Variants in DPH6 observed in about 807,000 individuals in gnomAD.
The protein encoded by DPH6 is diphthine--ammonia ligase.
Under a neutral mutation model 38.2 loss-of-function variants are expected in DPH6, and 33 were observed. The ratio of observed to expected loss-of-function variants is 0.86; its 90% CI spans 0.65 to 1.15. The LOEUF is 1.15. Among genes scored for constraint, DPH6 ranks in the 50% most tolerant of loss-of-function variants. The probability of loss-of-function intolerance (pLI) is 0.00; values close to 1 mark genes in which losing one functional copy is unlikely to be tolerated. For missense variants in DPH6, 325 were observed against 320.0 expected (o/e 1.02, Z -0.12); for synonymous variants, 108 against 103.0 (o/e 1.05, Z -0.30).
At chr15:35,382,293 G>A (rs2052880140) in intron 6 of DPH6, among the ~76,000 whole-genome samples, 1 of 151,804 alleles carries the variant, frequency 6.6e-6, no homozygotes, top group African/African-American at 2.4e-5. Context: ...AAAATTAGCC[G>A]GGCATGGTGG....
chr15:35,475,851 A>C (rs916745030), intron 3 of DPH6, among the ~76,000 whole-genome samples: 6 of 151,860 alleles, frequency 4.0e-5, no homozygotes, highest in African/African-American at 1.4e-4. Flanking sequence ...AACTGAGAAG[A>C]ATATTAAAAA....
intron 5 of DPH6, among the ~76,000 whole-genome samples, chr15:35,417,528 A>C (rs1021817840): frequency 6.6e-6 from 1 of 152,012 alleles, no homozygotes; most frequent in Admixed American, 6.6e-5. Flanking sequence ...AAAAAAAGTC[A>C]ATGTCTGAGT....
At chr15:35,151,801 C>T in the DPH6 span, among the ~76,000 whole-genome samples, 6 of 152,292 alleles carry the variant, frequency 3.9e-5, no homozygotes, top group East Asian at 1.9e-4. Context: ...AATAAAAATG[C>T]GTGAAGTCTA....
intron 5 of DPH6, among the ~76,000 whole-genome samples, chr15:35,421,800 A>G (rs552642082): frequency 9.2e-5 from 14 of 152,262 alleles, no homozygotes; most frequent in African/African-American, 3.4e-4. Context: ...GAGAAATTCA[A>G]ACAAAACAAT....
the DPH6 span, among the ~76,000 whole-genome samples, chr15:35,163,772 G>A: frequency 6.6e-6 from 1 of 151,832 alleles, no homozygotes; most frequent in Non-Finnish European, 1.5e-5. Flanking sequence ...CAAATGCTCA[G>A]AGCAACAAAT....
chr15:35,369,827 C>T (rs2052694873), downstream of DPH6, among the ~76,000 whole-genome samples: 1 of 151,674 alleles, frequency 6.6e-6, no homozygotes, highest in Non-Finnish European at 1.5e-5. Flanking sequence ...TCTTCAATCC[C>T]AGTCAAAATC....
chr15:35,250,077 C>G (rs1204783808), intron 3 of DPH6, among the ~76,000 whole-genome samples: 1 of 151,894 alleles, frequency 6.6e-6, no homozygotes, highest in Non-Finnish European at 1.5e-5. Flanking sequence ...ACTCAGGAGG[C>G]TGAGGCAGGA....
At chr15:35,486,898 G>A (rs1303755964) in intron 3 of DPH6, among the ~76,000 whole-genome samples, 1 of 152,126 alleles carries the variant, frequency 6.6e-6, no homozygotes, top group African/African-American at 2.4e-5. Context: ...TACAACGGGG[G>A]TACAGGCATT....
rs191124603 is a variant in DPH6 at position 35,268,026 on chromosome 15, C to T, written n.201-47444G>A. 4.3e-4 allele frequency among the ~76,000 whole-genome samples: 65 copies of T among 151,910 alleles called. 1 individual carries two copies. Among genetic ancestry groups the T allele is most frequent in the Middle Eastern group, 3.4e-3 (1 of 294 alleles). On this transcript the variant is annotated intron_variant and non_coding_transcript_variant, in intron 3 of 3. Transcript: ENST00000560386. Reference sequence around the variant, plus strand: ...TCTACTAAAAATACAAAATATTAGCCGGGCGTGGTGGCAGGCGCCTGTAGT... The same window carrying T: ...TCTACTAAAAATACAAAATATTAGCTGGGCGTGGTGGCAGGCGCCTGTAGT...
At position 35,251,619 on chromosome 15, in the gene DPH6, A is replaced by G. The variant is rs374196708; in HGVS notation, n.201-31037T>C. Among the ~76,000 whole-genome samples, 10 of 152,210 alleles carry G rather than the reference A, an allele frequency of 6.6e-5. No individual in the cohort carries two copies. The East Asian group carries it at 1.9e-3, about 29-fold the overall frequency. On this transcript the variant is annotated intron_variant and non_coding_transcript_variant, in intron 3 of 3. Transcript: ENST00000560386. ...CATCCAAGATCCTACACTTAGCTTC[A>G]TATCACAGATACGCTAGTCTCTCAC...
At chr15:35,255,408 C>G (rs1379359827) in intron 3 of DPH6, among the ~76,000 whole-genome samples, 1 of 152,084 alleles carries the variant, frequency 6.6e-6, no homozygotes, top group African/African-American at 2.4e-5. Context: ...CTATTTCTAA[C>G]CAAAGTCTCA....
chr15:35,270,768 T>A (rs2051817627), intron 3 of DPH6, among the ~76,000 whole-genome samples: 2 of 152,204 alleles, frequency 1.3e-5, no homozygotes, highest in South Asian at 4.1e-4. Flanking sequence ...TTTATTACGG[T>A]TACATTCTCC....
intron 3 of DPH6, among the ~76,000 whole-genome samples, chr15:35,359,819 T>C (rs1254250927): frequency 4.6e-5 from 7 of 152,162 alleles, no homozygotes; most frequent in Non-Finnish European, 8.8e-5. Flanking sequence ...AGTTCAGTCA[T>C]TGTATTCTTC....
At chr15:35,337,562 C>T (rs2052383512) in intron 3 of DPH6, among the ~76,000 whole-genome samples, 1 of 152,176 alleles carries the variant, frequency 6.6e-6, no homozygotes, top group African/African-American at 2.4e-5. Flanking sequence ...ATATTCCATG[C>T]TCATGGGTAG....
the DPH6 span, among the ~76,000 whole-genome samples, chr15:35,190,141 T>TA: frequency 1.3e-5 from 2 of 152,152 alleles, no homozygotes; most frequent in Admixed American, 6.5e-5. Context: ...TCAGGGGGGA[T>TA]ATGGAAGGCA....
intron 3 of DPH6, among the ~76,000 whole-genome samples, chr15:35,290,803 T>C (rs1404446438): frequency 2.0e-5 from 3 of 152,122 alleles, no homozygotes; most frequent in Non-Finnish European, 2.9e-5. Context: ...TTGGTTTGTG[T>C]GATACTTTTT....
chr15:35,489,456 A>G (rs2054447384), intron 3 of DPH6: 5 of 983,876 alleles, frequency 5.1e-6, no homozygotes, highest in South Asian at 4.7e-5. Context: ...CTCAATTAAT[A>G]TATTACTCAA....
intron 3 of DPH6, among the ~76,000 whole-genome samples, chr15:35,537,215 T>C (rs1376485901): frequency 6.6e-6 from 1 of 152,084 alleles, no homozygotes; most frequent in Admixed American, 6.6e-5. Context: ...CTAGAAAATT[T>C]TCATGACAGA....
In DPH6 at chr15:35,235,162, T is replaced by C. The variant is rs72707090; in HGVS notation, n.201-14580A>G. On this transcript the variant is annotated intron_variant and non_coding_transcript_variant, in intron 3 of 3. Transcript: ENST00000560386. ...CCTTTGGTATAACAGCCACACTCCC[T>C]TTAGCTACTGGAGCCACTTGGGCCA... 1.6e-3 allele frequency among the ~76,000 whole-genome samples: 244 copies of C among 152,320 alleles called. 1 individual carries two copies. The highest frequency in any genetic ancestry group is 4.0e-3 in the East Asian group (21 of 5,190).
Sources: gnomAD v4.1 joint callset for allele counts (sites outside exome capture counted in the v4.1 genomes callset) on GRCh38, gnomAD v4.1.1 for gene constraint, MANE v1.5 for transcripts, NCBI Gene and HGNC (gene_info 2026-07-23, HGNC 2026-07-21) for gene names.